The following RNF180 variants were observed in gnomAD, a reference collection of about 807,000 sequenced individuals.
The protein encoded by RNF180 is E3 ubiquitin-protein ligase RNF180.
In RNF180, 38 loss-of-function variants were observed where a neutral mutation model predicts 59.2. The observed-to-expected ratio is 0.64, with a 90% CI of 0.50 to 0.84. The LOEUF (loss-of-function observed/expected upper bound fraction) is 0.84. RNF180 is among the 40% of genes least tolerant of loss of function. The pLI, the probability that RNF180 is intolerant of heterozygous loss-of-function variation, is 0.00. For missense variants in RNF180, 705 were observed against 700.9 expected, an observed-to-expected ratio of 1.01 and a Z score of -0.07; for synonymous variants, 262 against 240.3, an observed-to-expected ratio of 1.09 and a Z score of -0.84.
intron 5 of RNF180, among the ~76,000 whole-genome samples, chr5:64,304,654 A>G (rs1166736404): frequency 6.6e-6 from 1 of 151,670 alleles, no homozygotes; most frequent in Non-Finnish European, 1.5e-5. Flanking sequence ...CTTCTTATGG[A>G]TAAGCAATGA....
intron 7 of RNF180, among the ~76,000 whole-genome samples, chr5:64,333,417 G>A (rs943289598): frequency 2.6e-5 from 4 of 151,128 alleles, no homozygotes; most frequent in African/African-American, 7.4e-5. Context: ...TGATCCACCC[G>A]CCTTGGCCTC....
intron 5 of RNF180, among the ~76,000 whole-genome samples, chr5:64,298,485 T>C (rs1743006318): frequency 6.6e-6 from 1 of 152,008 alleles, no homozygotes; most frequent in South Asian, 2.1e-4. Context: ...TTCTTATAGC[T>C]ATGTCTTACT....
chr5:64,347,439 CTTCT>C (rs1745599254), intron 7 of RNF180, among the ~76,000 whole-genome samples: 1 of 152,114 alleles, frequency 6.6e-6, no homozygotes, highest in Non-Finnish European at 1.5e-5. Flanking sequence ...GCAGTTCCAA[CTTCT>C]TTCTTTTAGG....
Position 64,177,261 on chromosome 5 carries a change from G to C in RNF180, c.-1+11308G>C, listed in dbSNP as rs75213241. 6.9e-4 allele frequency among the ~76,000 whole-genome samples: 105 copies of C among 151,970 alleles called. No individual in the cohort carries two copies. The Middle Eastern group carries it at 0.014, about 20-fold the overall frequency. ...TACACATTCCCGACTTAGTGTTTTG[G>C]CTTATTTATTTTCCTTGTTTTAGAT... On this transcript the variant is annotated intron_variant, in intron 1 of 7. Transcript: ENST00000389100.
intron 7 of RNF180, among the ~76,000 whole-genome samples, chr5:64,340,972 C>G (rs1276370079): frequency 6.6e-6 from 1 of 152,084 alleles, no homozygotes; most frequent in African/African-American, 2.4e-5. Flanking sequence ...TTCCCTCTGA[C>G]TCTTCCTTTT....
chr5:64,295,393 T>G (rs1742830379), intron 5 of RNF180, among the ~76,000 whole-genome samples: 1 of 152,192 alleles, frequency 6.6e-6, no homozygotes, highest in African/African-American at 2.4e-5. Flanking sequence ...TGATGTGGTA[T>G]TAATGCTCTA....
chr5:64,262,758 T>G (rs1034586513), intron 5 of RNF180, among the ~76,000 whole-genome samples: 1 of 152,138 alleles, frequency 6.6e-6, no homozygotes, highest in African/African-American at 2.4e-5. Flanking sequence ...TTGGCCTTAT[T>G]TATTTTGAGC....
At chr5:64,365,423 G>A (rs1172207266) in intron 7 of RNF180, among the ~76,000 whole-genome samples, 1 of 151,728 alleles carries the variant, frequency 6.6e-6, no homozygotes, top group Non-Finnish European at 1.5e-5. Flanking sequence ...GTTCAATTGT[G>A]TGGTCAATTT....
At chr5:64,359,212 T>G (rs904102589) in intron 7 of RNF180, among the ~76,000 whole-genome samples, 1 of 151,152 alleles carries the variant, frequency 6.6e-6, no homozygotes, top group Non-Finnish European at 1.5e-5. Flanking sequence ...ATCGCCACAC[T>G]GACTTCCACA....
intron 5 of RNF180, among the ~76,000 whole-genome samples, chr5:64,292,023 A>C (rs140297728): frequency 1.6e-3 from 239 of 151,494 alleles, no homozygotes; most frequent in African/African-American, 5.1e-3. Context: ...CTGGTTATCA[A>C]CTCCTGTATT....
At chr5:64,195,925 T>C in intron 1 of RNF180, among the ~76,000 whole-genome samples, 1 of 152,112 alleles carries the variant, frequency 6.6e-6, no homozygotes, top group Non-Finnish European at 1.5e-5. Context: ...ATGTATATCT[T>C]TGGGACGTGG....
At chr5:64,179,909 A>G (rs191396786) in intron 1 of RNF180, among the ~76,000 whole-genome samples, 1 of 152,268 alleles carries the variant, frequency 6.6e-6, no homozygotes, top group East Asian at 1.9e-4. Context: ...TTGGTATTGT[A>G]AGACTTTTTA....
rs573227123 is a variant in RNF180, at chr5:64,315,521, G to A, written c.1228-9665G>A. Reference sequence around the variant, plus strand: ...GCACTTTGAGAGTCTGGGGTGGGTGGATCACCTGAGGTCAGGAGTTTGAGA... The same window carrying A: ...GCACTTTGAGAGTCTGGGGTGGGTGAATCACCTGAGGTCAGGAGTTTGAGA... On this transcript the variant is annotated intron_variant, in intron 5 of 7. Transcript: ENST00000389100. Among the ~76,000 whole-genome samples the A allele has an allele frequency of 4.6e-5, 7 of 152,188 alleles. No individual in the cohort carries two copies. The South Asian group carries it at 1.5e-3, about 32-fold the overall frequency.
At chr5:64,349,374 GTAATAA>G (rs542948248) in intron 7 of RNF180, among the ~76,000 whole-genome samples, 2 of 146,794 alleles carry the variant, frequency 1.4e-5, no homozygotes, top group East Asian at 2.0e-4. Flanking sequence ...AATTGCCATT[GTAATAA>G]TAATAAGTTA....
intron 5 of RNF180, among the ~76,000 whole-genome samples, chr5:64,264,105 C>T (rs1348532383): frequency 6.6e-6 from 1 of 152,118 alleles, no homozygotes; most frequent in African/African-American, 2.4e-5. Context: ...CCCTTTTTCA[C>T]AATTTGATGG....
intron 5 of RNF180, among the ~76,000 whole-genome samples, chr5:64,278,909 T>C (rs144812413): frequency 0.014 from 2,202 of 152,244 alleles, 25 homozygotes; most frequent in Non-Finnish European, 0.022. Context: ...TGTGAGCTGC[T>C]GTGCCTGGTA....
At chr5:64,354,996 C>A (rs1561278213) in intron 7 of RNF180, among the ~76,000 whole-genome samples, 1 of 151,786 alleles carries the variant, frequency 6.6e-6, no homozygotes, top group African/African-American at 2.4e-5. Flanking sequence ...AAGCTTTCCC[C>A]CTAAAATTAG....
chr5:64,335,165 T>A (rs1745067743), intron 7 of RNF180, among the ~76,000 whole-genome samples: 1 of 152,200 alleles, frequency 6.6e-6, no homozygotes, highest in African/African-American at 2.4e-5. Flanking sequence ...TCTTCATCTG[T>A]GAAATGCTTT....
intron 5 of RNF180, among the ~76,000 whole-genome samples, chr5:64,308,419 G>C (rs1002636803): frequency 6.6e-6 from 1 of 151,706 alleles, no homozygotes; most frequent in Non-Finnish European, 1.5e-5. Flanking sequence ...TTTGTAGTCT[G>C]TTTAGTGTCA....
Sources: gnomAD v4.1 joint callset for allele counts (sites outside exome capture counted in the v4.1 genomes callset) on GRCh38, gnomAD v4.1.1 for gene constraint, MANE v1.5 for transcripts, NCBI Gene and HGNC (gene_info 2026-07-23, HGNC 2026-07-21) for gene names.